Variants in ST6GALNAC4 observed in about 807,000 individuals in gnomAD.
ST6GALNAC4 encodes alpha-N-acetyl-neuraminyl-2,3-beta-galactosyl-1,3-N-acetyl-galactosaminide alpha-2,6-sialyltransferase.
Under a neutral mutation model 30.4 loss-of-function variants are expected in ST6GALNAC4, and 24 were observed. The observed-to-expected ratio is 0.79, with a 90% confidence interval of 0.57 to 1.11. The LOEUF is 1.11. Among genes scored for constraint, ST6GALNAC4 ranks in the 50% most tolerant of loss-of-function variants. ST6GALNAC4 has a pLI of 0.00. For synonymous variants in ST6GALNAC4, 156 were observed against 179.7 expected (o/e 0.87, Z 1.05); for missense variants, 365 against 430.1 (o/e 0.85, Z 1.34).
intron 2 of ST6GALNAC4, chr9:127,916,180 C>G: frequency 3.3e-6 from 2 of 604,052 alleles, no homozygotes; most frequent in Non-Finnish European, 5.9e-6. Context: ...GTAGCGTTAC[C>G]TCCGTTTTAC....
chr9:127,916,673 A>G (rs1831201198), intron 1 of ST6GALNAC4, among the ~76,000 whole-genome samples, 153 bp downstream of exon 1: 1 of 152,232 alleles, frequency 6.6e-6, no homozygotes, highest in South Asian at 2.1e-4. Context: ...AGGAGCAGGA[A>G]TCAGCGACGT....
chr9:127,908,427 T>C lies in ST6GALNAC4; in HGVS notation c.874A>G (p.Ile292Val), dbSNP rs1830984433. The C allele has an allele frequency of 2.5e-6, 4 of 1,592,940 alleles. No homozygotes were observed. The highest frequency in any genetic ancestry group is 3.4e-6 in the Non-Finnish European group (4 of 1,164,442). Residue 292 changes from isoleucine (I) to valine (V), a missense_variant, in exon 6 of 6, where the codon ATC becomes GTC. By Grantham distance (29) the Ile-to-Val change is conservative. Transcript: ENST00000335791. The stretch of plus-strand genomic sequence containing the variant: ...CTCCAGGACGGATGGGCGAACACGA[T>C]GGGCCTCTTCTTGGCCCAGCGGGAG... Reference protein sequence around the residue: ...VFSRWAKKRPIVFAHPSWRTE With the variant: ...VFSRWAKKRPVVFAHPSWRTE
intron 4 of ST6GALNAC4, among the ~76,000 whole-genome samples, chr9:127,911,809 C>T (rs1270480712): frequency 2.0e-5 from 3 of 152,046 alleles, no homozygotes; most frequent in African/African-American, 4.8e-5. Flanking sequence ...TTTGGTAGAG[C>T]CCAAGGTTTC....
Position 127,914,779 on chromosome 9 carries a change from G to A in ST6GALNAC4, c.75C>T (p.Cys25=). 2 of 1,601,682 alleles carry A rather than the reference G, an allele frequency of 1.2e-6. No homozygotes were observed. The highest frequency in any genetic ancestry group is 1.1e-5 in the South Asian group (1 of 89,722). ...VVFSAVYILL[C]CWAGLPLCLA... ...GGCAGAGGGGCAGGCCGGCCCAGCAGCACAGGAGGATGTAGACGGCAGAGA... is the reference window on the plus strand; with the variant it reads ...GGCAGAGGGGCAGGCCGGCCCAGCAACACAGGAGGATGTAGACGGCAGAGA... Residue 25 remains cysteine (C), a synonymous_variant, in exon 3 of 6, where the codon TGC becomes TGT. Coordinates refer to ENST00000335791, the MANE Select transcript of ST6GALNAC4 (RefSeq NM_175039.4).
At position 127,908,387 on chromosome 9, in the gene ST6GALNAC4, G is replaced by A. The variant is rs759892234; in HGVS notation, c.*5C>T. 8.5e-6 allele frequency: 13 copies of A among 1,528,838 alleles called. No homozygotes were observed. The highest frequency in any genetic ancestry group is 7.1e-5 in the East Asian group (3 of 42,436). The allele number at this position is 1,528,838 out of a possible 1,614,324, so 94.7% of individuals were successfully genotyped here. On this transcript the variant is annotated 3_prime_UTR_variant, in exon 6 of 6. Coordinates refer to ENST00000335791, the MANE Select transcript of ST6GALNAC4 (RefSeq NM_175039.4). ...ACGGCATGGCGACTGGCAGGACGAC[G>A]GAAGCTACTCAGTCCTCCAGGACGG...
chr9:127,911,615 T>C (rs1831075622), intron 4 of ST6GALNAC4, among the ~76,000 whole-genome samples: 1 of 152,204 alleles, frequency 6.6e-6, no homozygotes, highest in Non-Finnish European at 1.5e-5. Flanking sequence ...CTCTCCTGAG[T>C]AGCTAGAATT....
rs1464572746 is a variant in ST6GALNAC4, at chr9:127,916,979, C to G, written c.-229G>C. The G allele has an allele frequency of 6.4e-6, 1 of 155,902 alleles. No individual in the cohort carries two copies. Among genetic ancestry groups the G allele is most frequent in the African/African-American group, 2.4e-5 (1 of 41,524 alleles). 9.7% of individuals were successfully genotyped at this position (155,902 alleles called of 1,614,324 possible). A position where few individuals can be genotyped will look rare whatever the true frequency, so the allele number is the denominator to read the frequency against. On this transcript the variant is annotated 5_prime_UTR_variant, in exon 1 of 6. Transcript: ENST00000335791. ...GAGGCTCGCGATCCGCCGCTCGGAG[C>G]TCCATGGCCCCCGGGCCGGGCCGAC...
rs939930624 is a variant in ST6GALNAC4 at position 127,909,964 on chromosome 9, C to T, written c.706G>A (p.Asp236Asn). The T allele has an allele frequency of 9.9e-6, 16 of 1,613,210 alleles. No homozygotes were observed. Among genetic ancestry groups the T allele is most frequent in the African/African-American group, 1.3e-5 (1 of 74,934 alleles). ...GGCCGGTCTGACCTGCAGTAGCTGT[C>T]GCTGACCATCCCATAGACCACGATC... ...EEIVVYGMVSDSYCREKSHPS... is the reference protein window; with the variant it reads ...EEIVVYGMVSNSYCREKSHPS... Residue 236 changes from aspartate (D) to asparagine (N), a missense_variant, in exon 5 of 6, where the codon GAC (aspartate) becomes AAC (asparagine). Physicochemically the swap from Asp to Asn is conservative, Grantham distance 23 (BLOSUM62 1). Transcript: ENST00000335791.
At chr9:127,912,243 C>G in intron 4 of ST6GALNAC4, 25 bp downstream of exon 4, 1 of 1,585,184 alleles carries the variant, frequency 6.3e-7, no homozygotes, top group Non-Finnish European at 8.6e-7. Flanking sequence ...CCAGAGAGAC[C>G]CCAGCAGGCA....
chr9:127,909,796 C>T (rs1444842792), intron 5 of ST6GALNAC4, among the ~76,000 whole-genome samples, 155 bp downstream of exon 5: 3 of 152,198 alleles, frequency 2.0e-5, no homozygotes, highest in Non-Finnish European at 4.4e-5. Flanking sequence ...AGCTCTTTCC[C>T]AAGGCCCAGA....
At chr9:127,910,180 C>T (rs1288585518) in intron 4 of ST6GALNAC4, 122 bp from the exon 5 acceptor site, 1 of 1,450,438 alleles carries the variant, frequency 6.9e-7, no homozygotes, top group Non-Finnish European at 9.1e-7. Flanking sequence ...TTGCGGGGGG[C>T]TCTGGGGGAG....
At chr9:127,908,699 A>C (rs1830996969) in intron 5 of ST6GALNAC4, 118 bp from the exon 6 acceptor site, 1 of 921,618 alleles carries the variant, frequency 1.1e-6, no homozygotes. Flanking sequence ...CCCACGCCTG[A>C]TCCCTGGGGA....
In ST6GALNAC4 at chr9:127,908,222, T is replaced by G; in HGVS notation, c.*170A>C. The G allele has an allele frequency of 2.6e-6, 1 of 378,630 alleles. No homozygotes were observed. The highest frequency in any genetic ancestry group is 5.0e-5 in the East Asian group (1 of 20,170). 23.5% of individuals were successfully genotyped at this position (378,630 alleles called of 1,614,324 possible). On this transcript the variant is annotated 3_prime_UTR_variant, in exon 6 of 6. Coordinates refer to ENST00000335791, the MANE Select transcript of ST6GALNAC4 (RefSeq NM_175039.4). ...CCACTCCCCTTCAAGTCATGAGGCC[T>G]GAGATGGCTCCAAGTGTCGCCAGAA...
chr9:127,916,836 G>A lies in ST6GALNAC4; in HGVS notation c.-86C>T, dbSNP rs896996603. 4.2e-6 allele frequency: 1 copy of A among 235,480 alleles called. No homozygotes were observed. Among genetic ancestry groups the A allele is most frequent in the Admixed American group, 5.1e-5 (1 of 19,730 alleles). 14.6% of individuals were successfully genotyped at this position (235,480 alleles called of 1,614,324 possible). A position where few individuals can be genotyped will look rare whatever the true frequency, so the allele number is the denominator to read the frequency against. On this transcript the variant is annotated 5_prime_UTR_variant, in exon 1 of 6. Coordinates refer to ENST00000335791, the MANE Select transcript of ST6GALNAC4 (RefSeq NM_175039.4). ...CCCCATCCATCCTACCTCTCTACCC[G>A]GGGGACGAATGGAGAGGCCGGGCGA...
At chr9:127,913,264 A>G (rs1186218690) in intron 3 of ST6GALNAC4, among the ~76,000 whole-genome samples, 1 of 152,232 alleles carries the variant, frequency 6.6e-6, no homozygotes, top group East Asian at 1.9e-4. Context: ...GTGCGCCTCA[A>G]GTCTCTCATC....
intron 3 of ST6GALNAC4, 56 bp downstream of exon 3, chr9:127,914,600 T>A (rs1005093485): frequency 4.7e-6 from 7 of 1,476,264 alleles, no homozygotes; most frequent in South Asian, 2.7e-5. Context: ...AAGGTCCGGT[T>A]TGGGACAAGC....
Position 127,911,436 on chromosome 9 carries a change from G to A in ST6GALNAC4, c.611+832C>T, listed in dbSNP as rs76839858. ...TGACATAAAATGAAACCTTGAATGC[G>A]GAGTGCTTCACCCAATGCCTGGTGA... On this transcript the variant is annotated intron_variant, in intron 4 of 5. Transcript: ENST00000335791. 9.1e-3 allele frequency among the ~76,000 whole-genome samples: 1,392 copies of A among 152,276 alleles called. 23 individuals are homozygous for A. Among genetic ancestry groups the A allele is most frequent in the African/African-American group, 0.032 (1,331 of 41,552 alleles).
chr9:127,912,206 A>G (rs1831087140), intron 4 of ST6GALNAC4, 62 bp downstream of exon 4: 1 of 1,549,446 alleles, frequency 6.5e-7, no homozygotes, highest in African/African-American at 1.4e-5. Flanking sequence ...TGGACAAGAG[A>G]CTCCCAGAGA....
chr9:127,912,911 A>G (rs911247585), intron 3 of ST6GALNAC4, among the ~76,000 whole-genome samples: 3 of 152,088 alleles, frequency 2.0e-5, no homozygotes, highest in African/African-American at 2.4e-5. Flanking sequence ...CATCAGCCAT[A>G]TTTGTGGTCC....
Sources: allele counts gnomAD v4.1 joint callset (sites outside exome capture counted in the v4.1 genomes callset), GRCh38; gene constraint gnomAD v4.1.1; transcripts MANE v1.5; gene names NCBI Gene and HGNC (gene_info 2026-07-23, HGNC 2026-07-21).